Variants in ITGB2 observed in about 807,000 individuals in gnomAD.
ITGB2 encodes integrin subunit beta 2.
ITGB2 carries 56 observed loss-of-function variants against 86.8 expected under a neutral mutation model. That is an observed-to-expected ratio of 0.65 (90% confidence interval 0.52 to 0.81). The LOEUF (loss-of-function observed/expected upper bound fraction) is 0.81, where lower values mean the gene tolerates loss of function less well. Among genes scored for constraint, ITGB2 ranks in the 30% least tolerant of loss-of-function variants. ITGB2 has a pLI of 0.00. For missense variants in ITGB2, 948 were observed against 1,061.2 expected, an observed-to-expected ratio of 0.89 and a Z score of 1.48; for synonymous variants, 457 against 450.4, an observed-to-expected ratio of 1.01 and a Z score of -0.19.
Position 44,893,569 on chromosome 21 carries a change from T to TA in ITGB2, c.1084-26_1084-25insT, listed in dbSNP as rs774154904. The TA allele has an allele frequency of 1.4e-5, 23 of 1,612,740 alleles. No individual in the cohort carries two copies. The South Asian group carries it at 1.9e-4, about 13-fold the overall frequency. On this transcript the variant is annotated intron_variant, in intron 9 of 15. Coordinates refer to ENST00000652462, the MANE Select transcript of ITGB2 (RefSeq NM_000211.5). ...TCTGCGGGCAGAGAGCGGTTACTCT[T>TA]GGGGGCGAGTGTTTCTGTTGTCCTG...
At chr21:44,908,156 G>A (rs145977769) in intron 3 of ITGB2, 30 of 744,732 alleles carry the variant, frequency 4.0e-5, no homozygotes, top group Non-Finnish European at 6.7e-5. Flanking sequence ...CCGCGGTGGC[G>A]TGGGCTGGAG....
At chr21:44,890,351 G>T in intron 11 of ITGB2, 129 bp from the exon 12 acceptor site, 2 of 1,174,530 alleles carry the variant, frequency 1.7e-6, no homozygotes, top group South Asian at 2.6e-5. Context: ...TTTCCTCGAG[G>T]CCTACTGAGC....
At chr21:44,895,323 A>G (rs1446352024) in intron 8 of ITGB2, among the ~76,000 whole-genome samples, 1 of 152,182 alleles carries the variant, frequency 6.6e-6, no homozygotes, top group African/African-American at 2.4e-5. Flanking sequence ...TGAGCCCAGG[A>G]GTTCAGGACC....
At chr21:44,925,845 G>A (rs1464365331), upstream of ITGB2, among the ~76,000 whole-genome samples, 1 of 152,192 alleles carries the variant, frequency 6.6e-6, no homozygotes, top group Non-Finnish European at 1.5e-5. Context: ...TTTGGAGGCC[G>A]AGGCGGGTGG....
Position 44,886,798 on chromosome 21 carries a change from G to T in ITGB2, c.2185C>A (p.Leu729Met), listed in dbSNP as rs1455363778. Residue 729 changes from leucine to methionine, a missense_variant, in exon 15 of 16, where the codon CTG (leucine) becomes ATG (methionine). By Grantham distance (15) the Leu-to-Met change is conservative. Coordinates refer to ENST00000652462, the MANE Select transcript of ITGB2 (RefSeq NM_000211.5). Reference protein sequence around the residue: ...LLVIWKALIHLSDLREYRRFE... With the variant: ...LLVIWKALIHMSDLREYRRFE... ...CGCCTGTACTCCCGGAGGTCGCTCA[G>T]GTGGATCAGAGCCTTCCAGATGACC... 1.2e-6 allele frequency: 2 copies of T among 1,614,004 alleles called. No individual in the cohort carries two copies.
intron 8 of ITGB2, among the ~76,000 whole-genome samples, chr21:44,898,500 C>G (rs888454642): frequency 1.4e-4 from 21 of 152,344 alleles, no homozygotes; most frequent in African/African-American, 5.1e-4. Flanking sequence ...TGAGAAAGGT[C>G]TTGGGAACCC....
chr21:44,910,812 G>C (rs549496897), intron 1 of ITGB2, 27 bp from the exon 2 acceptor site: 2 of 1,608,032 alleles, frequency 1.2e-6, no homozygotes, highest in South Asian at 1.1e-5. Context: ...TCTTGGTGAC[G>C]GTCTCAGGCC....
At chr21:44,899,194 C>G (rs771705037) in intron 7 of ITGB2, 32 bp from the exon 8 acceptor site, 1 of 1,540,288 alleles carries the variant, frequency 6.5e-7, no homozygotes, top group Non-Finnish European at 9.0e-7. Context: ...CAGTTGGCCC[C>G]GAGTCCAGGA....
intron 8 of ITGB2, 40 bp downstream of exon 8, chr21:44,899,027 G>T: frequency 6.7e-7 from 1 of 1,499,140 alleles, no homozygotes; most frequent in Non-Finnish European, 9.3e-7. Flanking sequence ...GCTGAAACAT[G>T]CCCCCACCCA....
intron 15 of ITGB2, 145 bp from the exon 16 acceptor site, chr21:44,886,575 C>T (rs2083701661): frequency 2.1e-6 from 3 of 1,402,492 alleles, no homozygotes; most frequent in Non-Finnish European, 3.0e-6. Flanking sequence ...CCAGCACCGG[C>T]AGCCAAGCTC....
rs1000842438 is a variant in ITGB2 at position 44,901,349 on chromosome 21, G to T, written c.741+143C>A. 2.9e-6 allele frequency: 3 copies of T among 1,027,500 alleles called. No individual in the cohort carries two copies. In the African/African-American group the frequency reaches 4.8e-5, roughly 16 times the overall value. 63.6% of individuals were successfully genotyped at this position (1,027,500 alleles called of 1,614,324 possible). ...CCTTTCCTGCATGGGCAGCAGCAGGGTGAGGAGCTGCTCTCCCCAGGCCCA... is the reference window on the plus strand; with the variant it reads ...CCTTTCCTGCATGGGCAGCAGCAGGTTGAGGAGCTGCTCTCCCCAGGCCCA... On this transcript the variant is annotated intron_variant, in intron 6 of 15. Transcript: ENST00000652462.
intron 3 of ITGB2, chr21:44,908,183 CT>C (rs2084073300): frequency 2.7e-6 from 2 of 729,160 alleles, no homozygotes; most frequent in Admixed American, 2.0e-5. Flanking sequence ...AAGCCGCTCC[CT>C]GTGGGACGCA....
intron 14 of ITGB2, among the ~76,000 whole-genome samples, chr21:44,887,830 G>A (rs543245667): frequency 1.1e-4 from 17 of 152,320 alleles, no homozygotes; most frequent in Admixed American, 9.8e-4. Flanking sequence ...GTGAGCTCCA[G>A]GCATGTCACC....
At chr21:44,922,714 G>T (rs3761397), upstream of ITGB2, among the ~76,000 whole-genome samples, 33,800 of 147,316 alleles carry the variant, frequency 0.23, 3,923 homozygotes, top group South Asian at 0.31. Flanking sequence ...AGGGAAAATA[G>T]AACAAACAAG....
Position 44,903,364 on chromosome 21 carries a change from C to A in ITGB2, c.499+1G>T. The A allele has an allele frequency of 6.2e-7, 1 of 1,614,014 alleles. No homozygotes were observed. The highest frequency in any genetic ancestry group is 8.5e-7 in the Non-Finnish European group (1 of 1,179,944). On this transcript the variant is annotated splice_donor_variant, in intron 5 of 15. Coordinates refer to ENST00000652462, the MANE Select transcript of ITGB2 (RefSeq NM_000211.5). LOFTEE classifies it high-confidence loss of function. The stretch of plus-strand genomic sequence containing the variant: ...TTTGTCCTGCAGTGCCTGGGCCTCA[C>A]CAATGCGGCCGGACTCGGTGATCTC...
chr21:44,910,668 G>A, intron 2 of ITGB2, 57 bp downstream of exon 2: 1 of 1,582,196 alleles, frequency 6.3e-7, no homozygotes, highest in Non-Finnish European at 8.7e-7. Context: ...GGCAGGCCCT[G>A]TTCTCCCTGA....
upstream of ITGB2, among the ~76,000 whole-genome samples, chr21:44,922,725 A>G (rs1354252188): frequency 6.6e-6 from 1 of 152,096 alleles, no homozygotes; most frequent in East Asian, 1.9e-4. Flanking sequence ...AACAAACAAG[A>G]AAGGTAAATA....
intron 14 of ITGB2, among the ~76,000 whole-genome samples, chr21:44,888,322 G>A (rs540801070): frequency 6.0e-5 from 9 of 149,866 alleles, no homozygotes; most frequent in South Asian, 2.1e-4. Flanking sequence ...CAACCTGACC[G>A]CGGGCCACCC....
chr21:44,889,023 G>A (rs1208459844), intron 13 of ITGB2, 128 bp from the exon 14 acceptor site: 3 of 767,972 alleles, frequency 3.9e-6, no homozygotes, highest in African/African-American at 1.7e-5. Flanking sequence ...CCAAGGAGGG[G>A]GCCCAAGTGG....
Sources: allele counts gnomAD v4.1 joint callset (sites outside exome capture counted in the v4.1 genomes callset), GRCh38; gene constraint gnomAD v4.1.1; transcripts MANE v1.5; gene names NCBI Gene and HGNC (gene_info 2026-07-23, HGNC 2026-07-21).